DENND2A: variants seen among roughly 807,000 people sequenced by gnomAD.
DENND2A encodes the protein DENN domain containing 2A.
DENND2A carries 53 observed loss-of-function variants against 105.3 expected under a neutral mutation model. The ratio of observed to expected loss-of-function variants is 0.50; its 90% CI spans 0.40 to 0.63. DENND2A has a LOEUF of 0.63. DENND2A is among the 30% of genes least tolerant of loss of function. The pLI is 0.00. For missense variants in DENND2A, 1,138 were observed against 1,279.6 expected, an observed-to-expected ratio of 0.89 and a Z score of 1.69; for synonymous variants, 522 against 508.4, an observed-to-expected ratio of 1.03 and a Z score of -0.36.
At chr7:140,610,954 C>T (rs547824486) in intron 1 of DENND2A, among the ~76,000 whole-genome samples, 164 of 152,384 alleles carry the variant, frequency 1.1e-3, no homozygotes, top group Non-Finnish European at 1.7e-3. Context: ...GAAGCCAGCA[C>T]AGCCTTAAGG....
At chr7:140,535,918 A>G (rs1796439647) in intron 14 of DENND2A, among the ~76,000 whole-genome samples, 1 of 152,158 alleles carries the variant, frequency 6.6e-6, no homozygotes, top group African/African-American at 2.4e-5. Context: ...CGATGAACCC[A>G]GAAGAGAGAG....
intron 16 of DENND2A, among the ~76,000 whole-genome samples, chr7:140,524,573 T>G (rs1795979903): frequency 6.6e-6 from 1 of 151,996 alleles, no homozygotes; most frequent in African/African-American, 2.4e-5. Flanking sequence ...TTCCTGTCTC[T>G]TCTCTCTTTT....
chr7:140,569,379 A>G (rs1259844284), intron 7 of DENND2A, among the ~76,000 whole-genome samples: 1 of 152,212 alleles, frequency 6.6e-6, no homozygotes, highest in African/African-American at 2.4e-5. Flanking sequence ...CAGGCTAAGC[A>G]AGGAAGGCTG....
At chr7:140,582,883 A>G (rs1254977300) in intron 5 of DENND2A, among the ~76,000 whole-genome samples, 1 of 152,250 alleles carries the variant, frequency 6.6e-6, no homozygotes, top group Non-Finnish European at 1.5e-5. Context: ...GCCTTCCAGG[A>G]AAACCAAAGA....
chr7:140,594,778 C>T (rs1187826994), intron 3 of DENND2A, among the ~76,000 whole-genome samples: 2 of 152,120 alleles, frequency 1.3e-5, no homozygotes, highest in Non-Finnish European at 2.9e-5. Context: ...AGTGCAATGG[C>T]GCATCTCAGC....
At chr7:140,534,646 C>T (rs1334991402) in intron 14 of DENND2A, among the ~76,000 whole-genome samples, 2 of 152,096 alleles carry the variant, frequency 1.3e-5, no homozygotes, top group East Asian at 3.9e-4. Flanking sequence ...TAGGAACATG[C>T]CAATAGTCAG....
intron 1 of DENND2A, among the ~76,000 whole-genome samples, chr7:140,632,327 G>C (rs1191303922): frequency 6.6e-6 from 1 of 152,080 alleles, no homozygotes; most frequent in East Asian, 1.9e-4. Flanking sequence ...TACCCACCTG[G>C]CTTCCTCCCC....
chr7:140,629,770 G>A (rs954473454), intron 1 of DENND2A, among the ~76,000 whole-genome samples: 2 of 152,072 alleles, frequency 1.3e-5, no homozygotes, highest in Non-Finnish European at 2.9e-5. Context: ...AGAGGGAGAA[G>A]GTAGTGAACA....
intron 4 of DENND2A, among the ~76,000 whole-genome samples, chr7:140,585,941 T>G (rs962775223): frequency 2.0e-5 from 3 of 152,184 alleles, no homozygotes; most frequent in Admixed American, 6.5e-5. Flanking sequence ...GTTTCAGCGC[T>G]TTAGCCAATC....
Position 140,568,821 on chromosome 7 carries a change from A to G in DENND2A, c.1541-8T>C, listed in dbSNP as rs1347227971. 5.0e-6 allele frequency: 8 copies of G among 1,613,992 alleles called. No homozygotes were observed. The highest frequency in any genetic ancestry group is 1.1e-5 in the South Asian group (1 of 91,084). On this transcript the variant is annotated splice_region_variant and splice_polypyrimidine_tract_variant and intron_variant, in intron 7 of 19. Coordinates refer to ENST00000496613, the MANE Select transcript of DENND2A (RefSeq NM_015689.5). ...CACTGTTCTCATCTGTCACTAGAAG[A>G]AAAGAACAAGGAAGAAAATTGCAAA... is the stretch of plus-strand genomic sequence containing the variant.
rs537236966 is a variant in DENND2A, at chr7:140,522,879, A to G, written c.2665+428T>C. Among the ~76,000 whole-genome samples the G allele has an allele frequency of 2.6e-5, 4 of 152,054 alleles. No individual in the cohort carries two copies. The East Asian group carries it at 7.8e-4, about 30-fold the overall frequency. ...TGCCTCGGCCTCCCAAAGTGCTGGG[A>G]TTACAGGTGTGAGCTGCTGTGCCTG... On this transcript the variant is annotated intron_variant, in intron 17 of 19. Coordinates refer to ENST00000496613, the MANE Select transcript of DENND2A (RefSeq NM_015689.5).
intron 9 of DENND2A, among the ~76,000 whole-genome samples, chr7:140,566,856 G>C (rs1386583752): frequency 6.6e-6 from 1 of 151,800 alleles, no homozygotes; most frequent in African/African-American, 2.4e-5. Flanking sequence ...GCTAATTTTT[G>C]TATTTGTCTG....
chr7:140,620,368 T>G, intron 1 of DENND2A, among the ~76,000 whole-genome samples: 1 of 146,508 alleles, frequency 6.8e-6, no homozygotes, highest in East Asian at 2.1e-4. Flanking sequence ...GGAGGAGGAA[T>G]TTATTACTAT....
At chr7:140,606,201 G>A (rs1031020322) in intron 1 of DENND2A, among the ~76,000 whole-genome samples, 8 of 130,748 alleles carry the variant, frequency 6.1e-5, no homozygotes, top group African/African-American at 2.9e-4. Context: ...CCACCACCCC[G>A]GCTAATGTTT....
intron 3 of DENND2A, among the ~76,000 whole-genome samples, chr7:140,598,028 T>C (rs1799349529): frequency 6.6e-6 from 1 of 152,008 alleles, no homozygotes; most frequent in African/African-American, 2.4e-5. Flanking sequence ...AAAAAGATAG[T>C]GCAATAAAAC....
intron 2 of DENND2A, among the ~76,000 whole-genome samples, chr7:140,604,529 T>C (rs1799624931): frequency 6.6e-6 from 1 of 152,246 alleles, no homozygotes; most frequent in Non-Finnish European, 1.5e-5. Context: ...CAGTTTGTTA[T>C]CTCACTGAGG....
chr7:140,564,677 A>G (rs1269872470), intron 9 of DENND2A, among the ~76,000 whole-genome samples: 1 of 152,328 alleles, frequency 6.6e-6, no homozygotes, highest in Non-Finnish European at 1.5e-5. Flanking sequence ...TCTAGAAAAA[A>G]AATTTAATGT....
At chr7:140,630,292 T>G (rs1800689427) in intron 1 of DENND2A, among the ~76,000 whole-genome samples, 1 of 151,926 alleles carries the variant, frequency 6.6e-6, no homozygotes, top group African/African-American at 2.4e-5. Flanking sequence ...TGTATTTTTC[T>G]CAAAGACAGG....
At chr7:140,569,494 C>G (rs1355945228) in intron 7 of DENND2A, 151 bp downstream of exon 7, 1 of 676,950 alleles carries the variant, frequency 1.5e-6, no homozygotes, top group Non-Finnish European at 2.6e-6. Flanking sequence ...GCTCCCAGCC[C>G]CACCACTGTC....
Sources: gnomAD v4.1 joint callset for allele counts (sites outside exome capture counted in the v4.1 genomes callset) on GRCh38, gnomAD v4.1.1 for gene constraint, MANE v1.5 for transcripts, NCBI Gene and HGNC (gene_info 2026-07-23, HGNC 2026-07-21) for gene names.